PCID2: variants seen among roughly 807,000 people sequenced by gnomAD.
PCID2 encodes the protein PCI domain containing 2, also known as PCI domain-containing protein 2.
A neutral mutation model predicts 61.3 loss-of-function variants in PCID2; 41 were observed. The observed-to-expected ratio is 0.67, with a 90% confidence interval of 0.52 to 0.87. PCID2 has a LOEUF of 0.87. Among genes scored for constraint, PCID2 ranks in the 40% least tolerant of loss-of-function variants. PCID2 has a pLI of 0.00. For synonymous variants in PCID2, 187 were observed against 177.8 expected (o/e 1.05, Z -0.41); for missense variants, 392 against 493.4 (o/e 0.79, Z 1.95).
In PCID2 at chr13:113,202,157, G is replaced by A. The variant is rs1241034758; in HGVS notation, c.37-1641C>T. Among the ~76,000 whole-genome samples the A allele has an allele frequency of 3.3e-5, 5 of 152,264 alleles. No individual in the cohort carries two copies. In the South Asian group the frequency reaches 6.2e-4, roughly 19 times the overall value. ...TGGTATTCTACTAAAGCAAGCAAAC[G>A]CCTACTCTCTGACCCAGTAATCCTG... On this transcript the variant is annotated intron_variant, in intron 1 of 13. Coordinates refer to ENST00000337344, the MANE Select transcript of PCID2 (RefSeq NM_001127202.4).
downstream of PCID2, among the ~76,000 whole-genome samples, chr13:113,174,804 G>A (rs1406909403): frequency 6.6e-6 from 1 of 152,160 alleles, no homozygotes; most frequent in African/African-American, 2.4e-5. Flanking sequence ...TTTTAAAAGG[G>A]CCAAACTAGT....
rs144254998 is a variant in PCID2, at chr13:113,198,465, G to A, written c.127-201C>T. ...GCCTGTAATCCCAGCACTTTGGGAG[G>A]GCGAGGTGGGCAGATCACTTGAGGC... On this transcript the variant is annotated intron_variant, in intron 2 of 13. Coordinates refer to ENST00000337344, the MANE Select transcript of PCID2 (RefSeq NM_001127202.4). 5.5e-4 allele frequency among the ~76,000 whole-genome samples: 84 copies of A among 152,292 alleles called. No homozygotes were observed. In the East Asian group the frequency reaches 0.015, roughly 28 times the overall value.
intron 7 of PCID2, chr13:113,186,838 G>A (rs2038158458): frequency 6.6e-6 from 1 of 152,130 alleles, no homozygotes; most frequent in Non-Finnish European, 1.5e-5. Flanking sequence ...TTAACAAAAT[G>A]ATAAAATCAC....
downstream of PCID2, among the ~76,000 whole-genome samples, chr13:113,177,147 A>T (rs1234890829): frequency 6.6e-6 from 1 of 150,670 alleles, no homozygotes; most frequent in African/African-American, 2.4e-5. Flanking sequence ...TTATTTATTT[A>T]TTTTTTTGAG....
intron 1 of PCID2, among the ~76,000 whole-genome samples, chr13:113,204,901 C>T (rs537947043): frequency 2.2e-4 from 34 of 152,306 alleles, no homozygotes; most frequent in African/African-American, 7.9e-4. Context: ...ACCACACAAC[C>T]AGACTCCAAG....
At position 113,190,867 on chromosome 13, in the gene PCID2, C is replaced by T; in HGVS notation, c.467+5G>A. On this transcript the variant is annotated splice_donor_5th_base_variant and intron_variant, in intron 7 of 13. Coordinates refer to ENST00000337344, the MANE Select transcript of PCID2 (RefSeq NM_001127202.4). ...CTGGTGGTCGGTCCTCAAGTCCTTA[C>T]TCACGTGTCGCTGGCACAGACCCGG... The T allele has an allele frequency of 6.3e-7, 1 of 1,594,154 alleles. No homozygotes were observed. The highest frequency in any genetic ancestry group is 1.1e-5 in the South Asian group (1 of 90,038).
chr13:113,184,551 T>C, intron 8 of PCID2, 64 bp from the exon 9 acceptor site: 1 of 895,220 alleles, frequency 1.1e-6, no homozygotes, highest in Non-Finnish European at 1.8e-6. Flanking sequence ...CAAAACAAAT[T>C]ACTAAGCATG....
rs202247559 is a variant in PCID2, at chr13:113,190,197, C to T, written c.467+675G>A. ...TTTTAAAAACATCAACTTACAAATA[C>T]AGGAAGCCCAATGAACCCTAAACAG... is the stretch of plus-strand genomic sequence containing the variant. On this transcript the variant is annotated intron_variant, in intron 7 of 13. Transcript: ENST00000337344. Among the ~76,000 whole-genome samples the T allele has an allele frequency of 1.4e-4, 20 of 146,876 alleles. No individual in the cohort carries two copies. In the East Asian group the frequency reaches 4.0e-3, roughly 29 times the overall value.
At chr13:113,176,754 T>C (rs9577479), downstream of PCID2, among the ~76,000 whole-genome samples, 2,384 of 151,802 alleles carry the variant, frequency 0.016, 163 homozygotes, top group East Asian at 0.21. Context: ...CAGAGTGAGG[T>C]CCTGTCTCAA....
chr13:113,200,656 C>CAG, intron 1 of PCID2, 140 bp from the exon 2 acceptor site: 1 of 559,774 alleles, frequency 1.8e-6, no homozygotes, highest in Non-Finnish European at 3.2e-6. Context: ...CAAAATGTAA[C>CAG]AGATGGTCAC....
At chr13:113,170,443 T>G in the PCID2 span, 1 of 1,608,238 alleles carries the variant, frequency 6.2e-7, no homozygotes. Context: ...AGGAAAAGAC[T>G]TCTGTGGTGG....
chr13:113,198,146 G>T, intron 3 of PCID2, 45 bp downstream of exon 3: 2 of 1,252,828 alleles, frequency 1.6e-6, no homozygotes, highest in African/African-American at 1.5e-5. Flanking sequence ...AGTTAATTCA[G>T]CAATTTCCAG....
In PCID2 at chr13:113,184,072, A is replaced by G. The variant is rs577354834; in HGVS notation, c.685+274T>C. The G allele has an allele frequency of 6.1e-5, 57 of 935,358 alleles. No individual in the cohort carries two copies. The African/African-American group carries it at 1.0e-3, about 17-fold the overall frequency. The allele number at this position is 935,358 out of a possible 1,614,324, so 57.9% of individuals were successfully genotyped here. On this transcript the variant is annotated intron_variant, in intron 9 of 13. Transcript: ENST00000337344. ...GCAAATAAAGAAAACAATGATTTAC[A>G]TTCTATTCTGAGAACAGTCATGCTC...
At chr13:113,208,409 G>T in intron 1 of PCID2, 190 bp downstream of exon 1, 2 of 1,480,822 alleles carry the variant, frequency 1.4e-6, no homozygotes, top group Non-Finnish European at 1.8e-6. Flanking sequence ...CCCTGCAGGG[G>T]AGAACTCGGG....
At chr13:113,175,733 C>A (rs2037175085), downstream of PCID2, among the ~76,000 whole-genome samples, 1 of 152,238 alleles carries the variant, frequency 6.6e-6, no homozygotes, top group South Asian at 2.1e-4. Context: ...GCATGAACTC[C>A]ACAGGCACAG....
intron 5 of PCID2, among the ~76,000 whole-genome samples, chr13:113,195,947 A>C (rs1211760645): frequency 6.6e-6 from 1 of 152,246 alleles, no homozygotes; most frequent in Non-Finnish European, 1.5e-5. Context: ...CATCTGAAAT[A>C]AAAATAATAC....
chr13:113,176,729 C>T (rs1174967346), downstream of PCID2, among the ~76,000 whole-genome samples: 1 of 152,154 alleles, frequency 6.6e-6, no homozygotes, highest in Non-Finnish European at 1.5e-5. Context: ...CACTGCCGCA[C>T]TCCAGCCTGG....
At chr13:113,178,924 T>C (rs2037359703) in intron 13 of PCID2, 42 bp downstream of exon 13, 1 of 1,582,940 alleles carries the variant, frequency 6.3e-7, no homozygotes, top group African/African-American at 1.4e-5. Context: ...GGCTGAATCT[T>C]GCTGTGAGTA....
chr13:113,197,399 T>C (rs565336346), intron 3 of PCID2, among the ~76,000 whole-genome samples, 156 bp from the exon 4 acceptor site: 89 of 152,292 alleles, frequency 5.8e-4, no homozygotes, highest in African/African-American at 2.1e-3. Flanking sequence ...CAGGTGAGGA[T>C]AAGAGGAAGT....
Sources: allele counts gnomAD v4.1 joint callset (sites outside exome capture counted in the v4.1 genomes callset), GRCh38; gene constraint gnomAD v4.1.1; transcripts MANE v1.5; gene names NCBI Gene and HGNC (gene_info 2026-07-23, HGNC 2026-07-21).